DOCK3: variants seen among roughly 807,000 people sequenced by gnomAD.
The protein encoded by DOCK3 is dedicator of cytokinesis protein 3.
In DOCK3, 60 loss-of-function variants were observed where a neutral mutation model predicts 265.6. The ratio of observed to expected loss-of-function variants is 0.23; its 90% CI spans 0.18 to 0.28. DOCK3 has a LOEUF of 0.28. Among genes scored for constraint, DOCK3 ranks in the 10% least tolerant of loss-of-function variants. The probability of loss-of-function intolerance (pLI) is 1.00; values close to 1 mark genes in which losing one functional copy is unlikely to be tolerated. For missense variants in DOCK3, 1,981 were observed against 2,594.3 expected (o/e 0.76, Z 5.14); for synonymous variants, 881 against 938.0 (o/e 0.94, Z 1.11).
At chr3:51,188,248 G>A (rs956220386) in intron 12 of DOCK3, among the ~76,000 whole-genome samples, 1 of 152,156 alleles carries the variant, frequency 6.6e-6, no homozygotes, top group Non-Finnish European at 1.5e-5. Flanking sequence ...TATTCTAAGA[G>A]TAAATGAAGT....
At chr3:51,344,090 C>T (rs1473934474) in intron 38 of DOCK3, among the ~76,000 whole-genome samples, 1 of 152,152 alleles carries the variant, frequency 6.6e-6, no homozygotes, top group Non-Finnish European at 1.5e-5. Flanking sequence ...GGCTAGCAAA[C>T]CATCAGGGCT....
intron 19 of DOCK3, among the ~76,000 whole-genome samples, chr3:51,233,863 A>T (rs946085406): frequency 2.6e-5 from 4 of 152,194 alleles, no homozygotes; most frequent in Admixed American, 2.0e-4. Context: ...TAATCCATTC[A>T]TCTGCTGATC....
At chr3:51,203,355 G>A (rs1363597575) in intron 12 of DOCK3, among the ~76,000 whole-genome samples, 1 of 152,158 alleles carries the variant, frequency 6.6e-6, no homozygotes, top group Non-Finnish European at 1.5e-5. Flanking sequence ...GAAATCACAA[G>A]CATTCTTATA....
intron 9 of DOCK3, among the ~76,000 whole-genome samples, chr3:51,116,758 CTATT>C (rs751000820): frequency 2.6e-5 from 4 of 151,802 alleles, no homozygotes; most frequent in Non-Finnish European, 5.9e-5. Flanking sequence ...ATTTGGCTCT[CTATT>C]TGTTTATTAT....
At position 51,236,646 on chromosome 3, in the gene DOCK3, A is replaced by G. The variant is rs566245603; in HGVS notation, c.2001+218A>G. ...AATCAAGTCCAGACCTTGACTTTAT[A>G]GTTTCTGGATCTTCCATCTCATCAC... is the stretch of plus-strand genomic sequence containing the variant. On this transcript the variant is annotated intron_variant, in intron 20 of 52. Transcript: ENST00000266037. Among the ~76,000 whole-genome samples the G allele has an allele frequency of 2.6e-4, 40 of 152,326 alleles. No homozygotes were observed. In the South Asian group the frequency reaches 7.9e-3, roughly 30 times the overall value.
At chr3:50,908,757 G>A (rs2049686110) in intron 4 of DOCK3, among the ~76,000 whole-genome samples, 1 of 151,928 alleles carries the variant, frequency 6.6e-6, no homozygotes, top group African/African-American at 2.4e-5. Flanking sequence ...CCTTAGTTCA[G>A]GTCCTTAATA....
At chr3:51,153,965 T>A (rs2085731245) in intron 10 of DOCK3, among the ~76,000 whole-genome samples, 1 of 152,264 alleles carries the variant, frequency 6.6e-6, no homozygotes, top group African/African-American at 2.4e-5. Flanking sequence ...CTGAGATACA[T>A]CAAAACCTAT....
intron 12 of DOCK3, among the ~76,000 whole-genome samples, chr3:51,193,484 G>A (rs1406638080): frequency 6.6e-6 from 1 of 152,116 alleles, no homozygotes; most frequent in East Asian, 1.9e-4. Context: ...GTAGTTTCAA[G>A]ACAATTGGTA....
rs201737588 is a variant in DOCK3 at position 51,203,287 on chromosome 3, AT to A, written c.1038-5486del. On this transcript the variant is annotated intron_variant, in intron 12 of 52. Transcript: ENST00000266037. Reference sequence around the variant, plus strand: ...GAAAACCCCATTGTCTCAGCCCAAAATCTCCTTAAGCTGATAAGCAAATTCA... The same window carrying A: ...GAAAACCCCATTGTCTCAGCCCAAAACTCCTTAAGCTGATAAGCAAATTCA... Among the ~76,000 whole-genome samples the A allele has an allele frequency of 6.0e-3, 921 of 152,320 alleles. 30 individuals carry two copies. Among genetic ancestry groups the A allele is most frequent in the Admixed American group, 0.044 (668 of 15,292 alleles).
chr3:51,199,845 G>C (rs1361440726), intron 12 of DOCK3, among the ~76,000 whole-genome samples: 3 of 152,192 alleles, frequency 2.0e-5, no homozygotes, highest in Non-Finnish European at 4.4e-5. Flanking sequence ...ACTTCCAGAA[G>C]AACGATCAGA....
chr3:51,035,099 G>A (rs982211795), intron 5 of DOCK3, among the ~76,000 whole-genome samples: 2 of 151,842 alleles, frequency 1.3e-5, no homozygotes, highest in South Asian at 2.1e-4. Flanking sequence ...TATATATTAT[G>A]CATTTCTTGT....
chr3:51,024,049 A>G (rs1313763121), intron 5 of DOCK3, among the ~76,000 whole-genome samples: 2 of 151,996 alleles, frequency 1.3e-5, no homozygotes, highest in Admixed American at 1.3e-4. Flanking sequence ...GTGTTTTCTT[A>G]ATGGTTTTTT....
chr3:50,928,522 T>TAC (rs1027130489), intron 4 of DOCK3, among the ~76,000 whole-genome samples: 11 of 152,240 alleles, frequency 7.2e-5, no homozygotes, highest in African/African-American at 2.7e-4. Context: ...CACTTATATA[T>TAC]ACCACATTTA....
At position 51,160,616 on chromosome 3, in the gene DOCK3, T is replaced by A; in HGVS notation, c.951T>A (p.Tyr317Ter). 6.2e-7 allele frequency: 1 copy of A among 1,613,152 alleles called. No individual in the cohort carries two copies. Among genetic ancestry groups the A allele is most frequent in the East Asian group, 2.2e-5 (1 of 44,860 alleles). The change falls in exon 12 of 53, where the codon TAT becomes TAA. Residue 317 changes from tyrosine to a stop codon, truncating the protein, a stop_gained. Transcript: ENST00000266037. LOFTEE classifies it high-confidence loss of function. Reference protein sequence around the residue: ...GPPHLHYRRPYGCAVLSILDV... With the variant: ...GPPHLHYRRP ...CTCACCTGCACTACAGGCGACCATA[T>A]GGCTGTGCGGTCCTAAGCATCTTGG...
intron 12 of DOCK3, among the ~76,000 whole-genome samples, chr3:51,184,294 A>G (rs1383009630): frequency 6.7e-6 from 1 of 149,504 alleles, no homozygotes; most frequent in Non-Finnish European, 1.5e-5. Flanking sequence ...CTGGGCAACA[A>G]GAGCAAAAGT....
intron 2 of DOCK3, among the ~76,000 whole-genome samples, chr3:50,795,043 G>A (rs887265637): frequency 2.0e-5 from 3 of 151,782 alleles, no homozygotes; most frequent in Non-Finnish European, 4.4e-5. Context: ...TTTTTTTAAA[G>A]AATATGGAAT....
chr3:50,994,103 T>C (rs528302595), intron 5 of DOCK3, among the ~76,000 whole-genome samples: 1 of 152,182 alleles, frequency 6.6e-6, no homozygotes, highest in African/African-American at 2.4e-5. Context: ...GTGGCAGGAC[T>C]GAGAGACCTG....
chr3:50,868,901 GTTTTTTTTTTTTTT>G (rs147898866), intron 3 of DOCK3, among the ~76,000 whole-genome samples: 94 of 14,316 alleles, frequency 6.6e-3, no homozygotes, highest in African/African-American at 0.021. Context: ...TGGATAATCT[GTTTTTTTTTTTTTT>G]TTTTTTTTTT....
At chr3:50,956,351 A>C (rs952664520) in intron 5 of DOCK3, among the ~76,000 whole-genome samples, 11 of 152,212 alleles carry the variant, frequency 7.2e-5, no homozygotes, top group Admixed American at 7.2e-4. Flanking sequence ...AAGATTCCTC[A>C]TGTCTTCACT....
Sources: allele counts gnomAD v4.1 joint callset (sites outside exome capture counted in the v4.1 genomes callset), GRCh38; gene constraint gnomAD v4.1.1; transcripts MANE v1.5; gene names NCBI Gene and HGNC (gene_info 2026-07-23, HGNC 2026-07-21).